Variants in SLC39A9 observed in about 807,000 individuals in gnomAD.
SLC39A9 encodes the protein solute carrier family 39 member 9.
Under a neutral mutation model 28.4 loss-of-function variants are expected in SLC39A9, and 14 were observed. The ratio of observed to expected loss-of-function variants is 0.49; its 90% CI spans 0.33 to 0.77. The LOEUF is 0.77. Ranked by LOEUF, SLC39A9 falls within the 30% of genes least tolerant of loss-of-function variation. The probability of loss-of-function intolerance (pLI) is 0.02; values close to 1 mark genes in which losing one functional copy is unlikely to be tolerated. For missense variants in SLC39A9, 283 were observed against 381.1 expected (o/e 0.74, Z 2.14); for synonymous variants, 119 against 149.6 (o/e 0.80, Z 1.49).
At chr14:69,416,953 C>T (rs375858339) in intron 1 of SLC39A9, among the ~76,000 whole-genome samples, 26 of 152,082 alleles carry the variant, frequency 1.7e-4, no homozygotes, top group African/African-American at 1.7e-4. Flanking sequence ...TTTCTTTTGC[C>T]GTGCAGAAGC....
At chr14:69,404,952 G>C (rs1170821837) in intron 1 of SLC39A9, among the ~76,000 whole-genome samples, 1 of 152,144 alleles carries the variant, frequency 6.6e-6, no homozygotes, top group Non-Finnish European at 1.5e-5. Flanking sequence ...AGCATAGCTG[G>C]GGAGGCCTAA....
chr14:69,446,968 C>T (rs202198396), intron 3 of SLC39A9, among the ~76,000 whole-genome samples: 4 of 121,868 alleles, frequency 3.3e-5, no homozygotes, highest in Admixed American at 1.7e-4. Flanking sequence ...AGAGAGAGAG[C>T]GAGAGAGAGA....
At chr14:69,413,120 G>T (rs1457424932) in intron 1 of SLC39A9, among the ~76,000 whole-genome samples, 2 of 152,178 alleles carry the variant, frequency 1.3e-5, no homozygotes, top group Non-Finnish European at 2.9e-5. Flanking sequence ...ACTTTGGGAG[G>T]CCGAGGCAGG....
intron 1 of SLC39A9, among the ~76,000 whole-genome samples, chr14:69,410,738 GAGTT>G (rs1338539147): frequency 5.3e-5 from 8 of 152,108 alleles, no homozygotes; most frequent in Admixed American, 5.2e-4. Flanking sequence ...GCCTGAACAA[GAGTT>G]ACTTCATAGC....
At chr14:69,414,347 G>A (rs1883453825) in intron 1 of SLC39A9, among the ~76,000 whole-genome samples, 1 of 152,198 alleles carries the variant, frequency 6.6e-6, no homozygotes, top group Admixed American at 6.5e-5. Flanking sequence ...GAAGCACTTG[G>A]TAAGTGCCTA....
At position 69,434,241 on chromosome 14, in the gene SLC39A9, G is replaced by C. The variant is rs559637338; in HGVS notation, c.206-7828G>C. Among the ~76,000 whole-genome samples, 309 of 151,278 alleles carry C rather than the reference G, an allele frequency of 2.0e-3. 1 individual carries two copies. Among genetic ancestry groups the C allele is most frequent in the African/African-American group, 7.2e-3 (299 of 41,314 alleles). On this transcript the variant is annotated intron_variant, in intron 2 of 6. Coordinates refer to ENST00000336643, the MANE Select transcript of SLC39A9 (RefSeq NM_018375.5). Reference sequence around the variant, plus strand: ...TGGGATTACAGGCGCCCACCACCGCGTCCTGCTAATTTTTGTATTTTTAGT... The same window carrying C: ...TGGGATTACAGGCGCCCACCACCGCCTCCTGCTAATTTTTGTATTTTTAGT...
At chr14:69,441,785 G>A in intron 2 of SLC39A9, 1 of 1,117,270 alleles carries the variant, frequency 9.0e-7, no homozygotes. Flanking sequence ...GTGTCCCTTT[G>A]GGAATATGAT....
At position 69,457,128 on chromosome 14, in the gene SLC39A9, C is replaced by T. The variant is rs1447376571; in HGVS notation, c.694-1235C>T. Among the ~76,000 whole-genome samples the T allele has an allele frequency of 2.0e-5, 3 of 151,874 alleles. No individual in the cohort carries two copies. In the East Asian group the frequency reaches 5.8e-4, roughly 29 times the overall value. ...TTAGTCCATAGGTCTACTTTTTTAA[C>T]AGAAAAGGTTGAAATTAGTTTTATA... is the stretch of plus-strand genomic sequence containing the variant. On this transcript the variant is annotated intron_variant, in intron 6 of 6. Transcript: ENST00000336643.
In SLC39A9 at chr14:69,458,679, C is replaced by T. The variant is rs1408071222; in HGVS notation, c.*86C>T. ...TGACAGCTACTCACTTCCTCAGTCT[C>T]TTGTCTCACCTTGCGCATCTCTACA... is the stretch of plus-strand genomic sequence containing the variant. On this transcript the variant is annotated 3_prime_UTR_variant, in exon 7 of 7. Transcript: ENST00000336643. The T allele has an allele frequency of 6.2e-6, 9 of 1,461,202 alleles. No individual in the cohort carries two copies. The Admixed American group carries it at 1.7e-4, about 28-fold the overall frequency. 90.5% of individuals were successfully genotyped at this position (1,461,202 alleles called of 1,614,324 possible).
At chr14:69,407,509 G>A (rs551766654) in intron 1 of SLC39A9, among the ~76,000 whole-genome samples, 47 of 151,712 alleles carry the variant, frequency 3.1e-4, no homozygotes, top group Non-Finnish European at 6.2e-4. Flanking sequence ...CACTAATTTT[G>A]TATTTTTAGT....
intron 2 of SLC39A9, among the ~76,000 whole-genome samples, chr14:69,430,891 G>A (rs533920769): frequency 1.3e-5 from 2 of 152,234 alleles, no homozygotes; most frequent in African/African-American, 4.8e-5. Flanking sequence ...CTTGGCTGGG[G>A]TTATAGGTGT....
intron 1 of SLC39A9, among the ~76,000 whole-genome samples, chr14:69,418,966 A>G (rs574792149): frequency 6.6e-6 from 1 of 152,222 alleles, no homozygotes; most frequent in African/African-American, 2.4e-5. Flanking sequence ...TCCTGGATTC[A>G]TTGATTTTTT....
chr14:69,442,387 T>C, intron 3 of SLC39A9, 121 bp downstream of exon 3: 1 of 920,340 alleles, frequency 1.1e-6, no homozygotes, highest in South Asian at 1.6e-5. Context: ...TTGTCTTCCT[T>C]GGGTTCTAGT....
At chr14:69,437,147 G>A (rs1275874308) in intron 2 of SLC39A9, among the ~76,000 whole-genome samples, 1 of 152,022 alleles carries the variant, frequency 6.6e-6, no homozygotes, top group Non-Finnish European at 1.5e-5. Flanking sequence ...GATTACAAGC[G>A]TGAGCCACCG....
intron 1 of SLC39A9, among the ~76,000 whole-genome samples, chr14:69,422,806 A>T (rs971105664): frequency 6.6e-6 from 1 of 152,042 alleles, no homozygotes; most frequent in Non-Finnish European, 1.5e-5. Flanking sequence ...CTGGTCTCGA[A>T]CTCCTGACCT....
chr14:69,457,310 C>A (rs1244471935), intron 6 of SLC39A9, among the ~76,000 whole-genome samples: 1 of 152,104 alleles, frequency 6.6e-6, no homozygotes, highest in African/African-American at 2.4e-5. Context: ...TCAGACGATT[C>A]TCCTGCCCCA....
At chr14:69,455,580 A>G (rs1885819126) in intron 5 of SLC39A9, 152 bp from the exon 6 acceptor site, 2 of 1,031,344 alleles carry the variant, frequency 1.9e-6, no homozygotes, top group Admixed American at 2.4e-5. Flanking sequence ...TCGACCTCCC[A>G]AAGTGCTAGG....
intron 1 of SLC39A9, among the ~76,000 whole-genome samples, chr14:69,410,404 C>T (rs1480861234): frequency 2.0e-5 from 3 of 152,210 alleles, no homozygotes; most frequent in South Asian, 4.1e-4. Flanking sequence ...GTAATAACAA[C>T]CCCTACTCTG....
intron 2 of SLC39A9, among the ~76,000 whole-genome samples, chr14:69,440,291 C>A (rs556027019): frequency 6.6e-6 from 1 of 152,050 alleles, no homozygotes; most frequent in South Asian, 2.1e-4. Context: ...GTCTCAAAAA[C>A]ATAAGAATAG....
Sources: allele counts gnomAD v4.1 joint callset (sites outside exome capture counted in the v4.1 genomes callset), GRCh38; gene constraint gnomAD v4.1.1; transcripts MANE v1.5; gene names NCBI Gene and HGNC (gene_info 2026-07-23, HGNC 2026-07-21).